Variants in RYR3 observed in about 807,000 individuals in gnomAD.
RYR3 encodes brain ryanodine receptor-calcium release channel.
RYR3 carries 207 observed loss-of-function variants against 584.3 expected under a neutral mutation model. The ratio of observed to expected loss-of-function variants is 0.35; its 90% CI spans 0.32 to 0.40. The LOEUF (loss-of-function observed/expected upper bound fraction) is 0.40. Among genes scored for constraint, RYR3 ranks in the 10% least tolerant of loss-of-function variants. The pLI is 1.00. For synonymous variants in RYR3, 2,416 were observed against 2,248.5 expected, an observed-to-expected ratio of 1.07 and a Z score of -2.11; for missense variants, 5,616 against 6,089.2, an observed-to-expected ratio of 0.92 and a Z score of 2.59.
chr15:33,631,162 T>C (rs749623820), intron 22 of RYR3, 48 bp from the exon 23 acceptor site: 2 of 1,180,010 alleles, frequency 1.7e-6, no homozygotes, highest in South Asian at 2.7e-5. Flanking sequence ...TTCCTGCTGT[T>C]CCTAACACTG....
chr15:33,594,201 A>G (rs1055468606), intron 16 of RYR3, among the ~76,000 whole-genome samples: 4 of 152,214 alleles, frequency 2.6e-5, no homozygotes, highest in African/African-American at 9.6e-5. Context: ...CCATAAGTCA[A>G]GTTTGATTCC....
At chr15:33,534,746 A>G (rs2055182637) in intron 5 of RYR3, among the ~76,000 whole-genome samples, 2 of 152,228 alleles carry the variant, frequency 1.3e-5, no homozygotes, top group South Asian at 4.1e-4. Context: ...CACATTTCAC[A>G]TCAATTTTGA....
chr15:33,476,279 C>T (rs908737267), intron 2 of RYR3, among the ~76,000 whole-genome samples: 2 of 152,100 alleles, frequency 1.3e-5, no homozygotes, highest in Admixed American at 6.6e-5. Flanking sequence ...GGCATAGAAA[C>T]GATAAGTCAT....
At chr15:33,710,309 A>T (rs1262215499) in intron 43 of RYR3, among the ~76,000 whole-genome samples, 5 of 150,036 alleles carry the variant, frequency 3.3e-5, no homozygotes. Context: ...AGGAAGAGAG[A>T]GAGAGTAGAG....
chr15:33,684,831 A>T (rs1286734586), intron 38 of RYR3, among the ~76,000 whole-genome samples: 7 of 152,216 alleles, frequency 4.6e-5, no homozygotes, highest in Non-Finnish European at 4.4e-5. Flanking sequence ...CCAGAATTTC[A>T]TTCCAGCCAA....
rs926098083 is a variant in RYR3, at chr15:33,802,040, G to C, written c.10011+79G>C. 4 of 886,820 alleles carry C rather than the reference G, an allele frequency of 4.5e-6. No individual in the cohort carries two copies. In the South Asian group the frequency reaches 5.2e-5, roughly 12 times the overall value. The allele number at this position is 886,820 out of a possible 1,614,324, so 54.9% of individuals were successfully genotyped here. A position where few individuals can be genotyped will look rare whatever the true frequency, so the allele number is the denominator to read the frequency against. On this transcript the variant is annotated intron_variant, in intron 69 of 103. Transcript: ENST00000634891. ...ACTTGGATCTGTTTCATACTTTCTG[G>C]GGATTAACACCGTACTGCATTTAGG...
At chr15:33,758,622 T>C (rs2072106195) in intron 60 of RYR3, among the ~76,000 whole-genome samples, 1 of 152,134 alleles carries the variant, frequency 6.6e-6, no homozygotes, top group Non-Finnish European at 1.5e-5. Flanking sequence ...AGGCCATCTC[T>C]GAAAGAAAGG....
At chr15:33,632,609 G>C (rs1159296925) in intron 23 of RYR3, among the ~76,000 whole-genome samples, 1 of 152,196 alleles carries the variant, frequency 6.6e-6, no homozygotes, top group African/African-American at 2.4e-5. Context: ...TTTTGTAGTG[G>C]GATGACAGGC....
chr15:33,379,197 C>T (rs1481888099), intron 1 of RYR3, among the ~76,000 whole-genome samples: 1 of 152,208 alleles, frequency 6.6e-6, no homozygotes, highest in East Asian at 1.9e-4. Context: ...TTTGTAATCA[C>T]ATAAAACTGA....
intron 41 of RYR3, 121 bp downstream of exon 41, chr15:33,699,954 AAG>A: frequency 1.0e-6 from 1 of 956,802 alleles, no homozygotes; most frequent in Non-Finnish European, 1.5e-6. Context: ...TAAATACTAG[AAG>A]AGACTCTGCC....
Position 33,699,824 on chromosome 15 carries a change from G to T in RYR3, c.6370G>T (p.Val2124Phe). 1 of 1,613,404 alleles carries T rather than the reference G, an allele frequency of 6.2e-7. No individual in the cohort carries two copies. The stretch of plus-strand genomic sequence containing the variant: ...GAGTTATCTTCTGGAGAATAGCAGT[G>T]TTGGCCTAGGTGCGTAAGTCTTCTT... ...HLSYLLENSS[V>F]GLASPSMRGS... is the part of the protein sequence containing the mutation. The change falls in exon 41 of 104, where the codon GTT becomes TTT. Residue 2124 changes from valine (V) to phenylalanine (F), a missense_variant. Val to Phe is a conservative substitution (Grantham distance 50). This residue lies in a region of RYR3 where 1,280 missense variants were observed against 1,426.2 expected (regional missense o/e 0.90). Coordinates refer to ENST00000634891, the MANE Select transcript of RYR3 (RefSeq NM_001036.6).
chr15:33,584,321 C>T lies in RYR3; in HGVS notation c.1574-74C>T, dbSNP rs553850441. ...TTAGTTGCTAAGCAAGTGAAATATT[C>T]GACAGCTTTCCAAGTTCTCACGCCC... On this transcript the variant is annotated intron_variant, in intron 14 of 103. Coordinates refer to ENST00000634891, the MANE Select transcript of RYR3 (RefSeq NM_001036.6). 2.6e-5 allele frequency: 20 copies of T among 757,276 alleles called. 1 individual carries two copies. The highest frequency in any genetic ancestry group is 8.8e-5 in the African/African-American group (5 of 57,110). 46.9% of individuals were successfully genotyped at this position (757,276 alleles called of 1,614,324 possible). A position where few individuals can be genotyped will look rare whatever the true frequency, so the allele number is the denominator to read the frequency against.
intron 1 of RYR3, among the ~76,000 whole-genome samples, chr15:33,446,111 G>T (rs1010500974): frequency 6.6e-6 from 1 of 152,186 alleles, no homozygotes; most frequent in Non-Finnish European, 1.5e-5. Flanking sequence ...GCGAGGTGCA[G>T]AATGAAAACT....
chr15:33,588,801 G>A (rs912577170), intron 16 of RYR3, among the ~76,000 whole-genome samples: 4 of 135,674 alleles, frequency 2.9e-5, no homozygotes, highest in African/African-American at 8.9e-5. Flanking sequence ...TTTTATGACT[G>A]AACAGTATTC....
chr15:33,329,641 C>G (rs1016795521), intron 1 of RYR3, among the ~76,000 whole-genome samples: 1 of 152,140 alleles, frequency 6.6e-6, no homozygotes, highest in Admixed American at 6.6e-5. Context: ...GGTAAAAATG[C>G]TTACTCACCA....
intron 1 of RYR3, among the ~76,000 whole-genome samples, chr15:33,438,608 T>C (rs1288538831): frequency 2.6e-5 from 4 of 152,236 alleles, no homozygotes; most frequent in African/African-American, 9.6e-5. Context: ...TACACACACA[T>C]GTGCATCAAC....
chr15:33,342,838 C>T (rs558567545), intron 1 of RYR3, among the ~76,000 whole-genome samples: 6 of 152,172 alleles, frequency 3.9e-5, no homozygotes, highest in Admixed American at 3.3e-4. Context: ...ACTCACAGCC[C>T]AGAAGTTTTA....
At chr15:33,678,326 C>A (rs931419799) in intron 38 of RYR3, among the ~76,000 whole-genome samples, 2 of 152,128 alleles carry the variant, frequency 1.3e-5, no homozygotes, top group Admixed American at 6.5e-5. Flanking sequence ...ATAGAGTTCC[C>A]ACAAGATCTG....
At position 33,647,478 on chromosome 15, in the gene RYR3, A is replaced by C; in HGVS notation, c.3978+18A>C. 6.4e-7 allele frequency: 1 copy of C among 1,573,890 alleles called. No individual in the cohort carries two copies. Among genetic ancestry groups the C allele is most frequent in the South Asian group, 1.1e-5 (1 of 90,058 alleles). Reference sequence around the variant, plus strand: ...CAACAACAGTAAGTAAATGTGCTCAATTATGGTTTTAATTATTTGATTCTT... The same window carrying C: ...CAACAACAGTAAGTAAATGTGCTCACTTATGGTTTTAATTATTTGATTCTT... On this transcript the variant is annotated intron_variant, in intron 30 of 103. Coordinates refer to ENST00000634891, the MANE Select transcript of RYR3 (RefSeq NM_001036.6).
Sources: allele counts gnomAD v4.1 joint callset (sites outside exome capture counted in the v4.1 genomes callset), GRCh38; gene constraint gnomAD v4.1.1; regional missense constraint gnomAD v4.1.1; transcripts MANE v1.5; gene names NCBI Gene and HGNC (gene_info 2026-07-23, HGNC 2026-07-21).